CADPS2: variants seen among roughly 807,000 people sequenced by gnomAD.
The protein encoded by CADPS2 is calcium dependent secretion activator 2.
In CADPS2, 93 loss-of-function variants were observed where a neutral mutation model predicts 172.5. The observed-to-expected ratio is 0.54, with a 90% CI of 0.46 to 0.64. CADPS2 has a LOEUF of 0.64. Among genes scored for constraint, CADPS2 ranks in the 30% least tolerant of loss-of-function variants. The pLI is 0.00. For missense variants in CADPS2, 1,420 were observed against 1,565.9 expected (o/e 0.91, Z 1.57); for synonymous variants, 546 against 555.2 (o/e 0.98, Z 0.23).
chr7:122,490,071 C>T lies in CADPS2; in HGVS notation c.1852+10G>A. 1 of 1,611,536 alleles carries T rather than the reference C, an allele frequency of 6.2e-7. No individual in the cohort carries two copies. Among genetic ancestry groups the T allele is most frequent in the Non-Finnish European group, 8.5e-7 (1 of 1,178,448 alleles). On this transcript the variant is annotated intron_variant, in intron 11 of 29. Coordinates refer to ENST00000449022, the MANE Select transcript of CADPS2 (RefSeq NM_017954.11). ...AATTGATAATCAAATTATTTTTTAACAAAACTTACAAAGCTGAGCATCTGC... is the reference window on the plus strand; with the variant it reads ...AATTGATAATCAAATTATTTTTTAATAAAACTTACAAAGCTGAGCATCTGC...
At chr7:122,464,906 C>T (rs1253595363) in intron 14 of CADPS2, among the ~76,000 whole-genome samples, 1 of 152,104 alleles carries the variant, frequency 6.6e-6, no homozygotes, top group East Asian at 1.9e-4. Flanking sequence ...TACTAGTGTG[C>T]CAACGTTGAT....
At chr7:122,843,158 T>C (rs1328256321) in intron 1 of CADPS2, among the ~76,000 whole-genome samples, 1 of 152,298 alleles carries the variant, frequency 6.6e-6, no homozygotes, top group South Asian at 2.1e-4. Flanking sequence ...CAATGCTTTC[T>C]GTGAATACCA....
intron 27 of CADPS2, among the ~76,000 whole-genome samples, chr7:122,348,043 C>A (rs561723261): frequency 6.6e-6 from 1 of 152,274 alleles, no homozygotes; most frequent in Non-Finnish European, 1.5e-5. Flanking sequence ...TAGTTGGGTA[C>A]AGCCCAGTTG....
At chr7:122,697,286 G>A (rs1223001096) in intron 2 of CADPS2, among the ~76,000 whole-genome samples, 1 of 151,978 alleles carries the variant, frequency 6.6e-6, no homozygotes, top group Non-Finnish European at 1.5e-5. Context: ...TTCATGCCAA[G>A]AATGCAAAAG....
intron 2 of CADPS2, among the ~76,000 whole-genome samples, chr7:122,722,906 C>T (rs971336480): frequency 2.0e-5 from 3 of 151,848 alleles, no homozygotes; most frequent in South Asian, 2.1e-4. Context: ...CTTTGACAAA[C>T]CTGACAAAAA....
chr7:122,845,126 G>A (rs1293794598), intron 1 of CADPS2, among the ~76,000 whole-genome samples: 1 of 152,142 alleles, frequency 6.6e-6, no homozygotes, highest in East Asian at 1.9e-4. Context: ...AGGGGATACT[G>A]TCATCAGTCA....
chr7:122,671,268 A>G (rs1385654618), intron 2 of CADPS2, among the ~76,000 whole-genome samples: 1 of 152,226 alleles, frequency 6.6e-6, no homozygotes, highest in Non-Finnish European at 1.5e-5. Flanking sequence ...GGCTACGTAC[A>G]TAGACAGCAA....
chr7:122,727,036 A>T (rs1437323310), intron 2 of CADPS2, among the ~76,000 whole-genome samples: 8 of 151,966 alleles, frequency 5.3e-5, no homozygotes, highest in African/African-American at 1.7e-4. Context: ...CACGGCTCAG[A>T]ATTCCTCTAA....
intron 6 of CADPS2, among the ~76,000 whole-genome samples, chr7:122,584,097 T>A (rs1156272422): frequency 6.6e-6 from 1 of 151,818 alleles, no homozygotes; most frequent in African/African-American, 2.4e-5. Flanking sequence ...CCTGTATATT[T>A]ACTTTTTTGT....
intron 7 of CADPS2, among the ~76,000 whole-genome samples, chr7:122,563,543 A>G (rs2066019814): frequency 1.3e-5 from 2 of 152,146 alleles, no homozygotes; most frequent in South Asian, 2.1e-4. Context: ...GACACTTTCA[A>G]TTTTATATCG....
chr7:122,541,897 T>TTA (rs1393836844), intron 8 of CADPS2, among the ~76,000 whole-genome samples: 6 of 142,860 alleles, frequency 4.2e-5, no homozygotes, highest in East Asian at 2.0e-4. Context: ...TCATATATAT[T>TTA]TATATATTCA....
intron 14 of CADPS2, among the ~76,000 whole-genome samples, chr7:122,462,205 G>C (rs2054539802): frequency 6.6e-6 from 1 of 152,074 alleles, no homozygotes; most frequent in African/African-American, 2.4e-5. Flanking sequence ...AAATACCACA[G>C]AATTTAAGTA....
chr7:122,343,453 G>T (rs1351932528), intron 28 of CADPS2, among the ~76,000 whole-genome samples: 2 of 152,196 alleles, frequency 1.3e-5, no homozygotes, highest in African/African-American at 4.8e-5. Flanking sequence ...AGTTCCCTCT[G>T]TCTGTTATCA....
At chr7:122,586,053 T>C (rs1265131769) in intron 6 of CADPS2, among the ~76,000 whole-genome samples, 1 of 152,002 alleles carries the variant, frequency 6.6e-6, no homozygotes, top group Non-Finnish European at 1.5e-5. Flanking sequence ...GGAATGATTA[T>C]GTAAATTATG....
At chr7:122,858,640 A>C (rs1432102266) in intron 1 of CADPS2, among the ~76,000 whole-genome samples, 1 of 152,304 alleles carries the variant, frequency 6.6e-6, no homozygotes, top group Non-Finnish European at 1.5e-5. Context: ...TCATTCTCTA[A>C]AGAACAACAT....
chr7:122,520,250 A>C (rs2060677572), intron 8 of CADPS2, among the ~76,000 whole-genome samples: 1 of 152,176 alleles, frequency 6.6e-6, no homozygotes, highest in African/African-American at 2.4e-5. Flanking sequence ...GAAGTTTAGT[A>C]AAAATAAATT....
chr7:122,379,366 A>G lies in CADPS2; in HGVS notation c.3387+2T>C, dbSNP rs1164179325. 1.9e-6 allele frequency: 3 copies of G among 1,569,836 alleles called. No individual in the cohort carries two copies. The highest frequency in any genetic ancestry group is 1.7e-5 in the Admixed American group (1 of 58,432). On this transcript the variant is annotated splice_donor_variant, in intron 25 of 29. Transcript: ENST00000449022. LOFTEE classifies it high-confidence loss of function. Reference sequence around the variant, plus strand: ...TAAAAAGGTGAATAAATAATACATTACCTTTGAAACTAACAGTGAAATGAT... The same window carrying G: ...TAAAAAGGTGAATAAATAATACATTGCCTTTGAAACTAACAGTGAAATGAT...
At chr7:122,506,603 G>A (rs909948112) in intron 9 of CADPS2, among the ~76,000 whole-genome samples, 2 of 152,096 alleles carry the variant, frequency 1.3e-5, no homozygotes, top group Non-Finnish European at 2.9e-5. Flanking sequence ...TATTCCTACT[G>A]CAGGGATGTT....
chr7:122,826,433 C>A (rs1804894349), intron 1 of CADPS2, among the ~76,000 whole-genome samples: 1 of 151,890 alleles, frequency 6.6e-6, no homozygotes, highest in Non-Finnish European at 1.5e-5. Context: ...ATAACCAAAA[C>A]CAAGAAGATC....
Sources: allele counts gnomAD v4.1 joint callset (sites outside exome capture counted in the v4.1 genomes callset), GRCh38; gene constraint gnomAD v4.1.1; transcripts MANE v1.5; gene names NCBI Gene and HGNC (gene_info 2026-07-23, HGNC 2026-07-21).